The following ZNF362 variants were observed in gnomAD, a reference collection of about 807,000 sequenced individuals.
The protein encoded by ZNF362 is zinc finger protein 362, also known as rotund homolog.
Under a neutral mutation model 42.9 loss-of-function variants are expected in ZNF362, and 11 were observed. The observed-to-expected ratio is 0.26, with a 90% confidence interval of 0.16 to 0.42. The LOEUF is 0.42. Ranked by LOEUF, ZNF362 falls within the 20% of genes least tolerant of loss-of-function variation. ZNF362 has a pLI of 1.00. For synonymous variants in ZNF362, 255 were observed against 257.3 expected (o/e 0.99, Z 0.09); for missense variants, 362 against 576.2 (o/e 0.63, Z 3.81).
At chr1:33,232,368 G>T in the ZNF362 span, among the ~76,000 whole-genome samples, 1 of 152,074 alleles carries the variant, frequency 6.6e-6, no homozygotes, top group Non-Finnish European at 1.5e-5. Flanking sequence ...GGGTTCAAGC[G>T]ATTCTCCTGC....
chr1:33,241,172 C>T, the ZNF362 span, among the ~76,000 whole-genome samples: 1 of 151,192 alleles, frequency 6.6e-6, no homozygotes, highest in Admixed American at 6.7e-5. Flanking sequence ...CAGTCCTGAT[C>T]ACTGGAGAGT....
At chr1:33,272,568 G>A (rs1442219078) in intron 2 of ZNF362, among the ~76,000 whole-genome samples, 1 of 152,142 alleles carries the variant, frequency 6.6e-6, no homozygotes, top group Non-Finnish European at 1.5e-5. Context: ...GGGGCTCACA[G>A]TAGAGAGTCT....
At chr1:33,181,094 G>T in the ZNF362 span, 1 of 1,599,770 alleles carries the variant, frequency 6.3e-7, no homozygotes. The surrounding 1 kb of genome is among the most constrained non-coding windows in gnomAD (Gnocchi z 6.5). Context: ...GCTCGTCGCA[G>T]AAGAAGCAGA....
At chr1:33,203,286 TGTG>T in the ZNF362 span, among the ~76,000 whole-genome samples, 1 of 152,326 alleles carries the variant, frequency 6.6e-6, no homozygotes, top group East Asian at 1.9e-4. Context: ...TCATCCATGT[TGTG>T]GTAAATGGCA....
chr1:33,257,937 C>T (rs1645804921), intron 1 of ZNF362, among the ~76,000 whole-genome samples: 1 of 152,134 alleles, frequency 6.6e-6, no homozygotes, highest in Admixed American at 6.5e-5. Context: ...AGAGCCCCCT[C>T]CCCAACCTGG....
chr1:33,159,776 C>A, the ZNF362 span: 1 of 1,613,784 alleles, frequency 6.2e-7, no homozygotes, highest in Non-Finnish European at 8.5e-7. This position sits in a 1 kb window ranked among gnomAD's most constrained non-coding sequence, Gnocchi z 4.2. Context: ...CCCTCCTGGA[C>A]CTTGCGCAGC....
At chr1:33,277,462 C>T (rs1645959635) in intron 4 of ZNF362, among the ~76,000 whole-genome samples, 1 of 152,132 alleles carries the variant, frequency 6.6e-6, no homozygotes, top group Admixed American at 6.5e-5. Flanking sequence ...TGGACTTGAC[C>T]CTTGGGCAGT....
chr1:33,146,313 T>A, the ZNF362 span: 3 of 176,456 alleles, frequency 1.7e-5, no homozygotes, highest in East Asian at 4.9e-4. Flanking sequence ...TCCCAGTGCT[T>A]GGGTCCTAAT....
At chr1:33,271,834 A>G (rs1303595615) in intron 2 of ZNF362, among the ~76,000 whole-genome samples, 1 of 152,116 alleles carries the variant, frequency 6.6e-6, no homozygotes, top group Non-Finnish European at 1.5e-5. Context: ...GCAGATGGGG[A>G]TGTCCCGCTG....
At chr1:33,292,682 G>C (rs939262679) in intron 6 of ZNF362, among the ~76,000 whole-genome samples, 1 of 152,210 alleles carries the variant, frequency 6.6e-6, no homozygotes, top group Non-Finnish European at 1.5e-5. Context: ...GAACTCGGCT[G>C]TGAATCCGTC....
At chr1:33,158,175 G>A in the ZNF362 span, 1 of 1,342,500 alleles carries the variant, frequency 7.4e-7, no homozygotes, top group Non-Finnish European at 1.1e-6. Context: ...ACTGCCCCAT[G>A]CTGTGTTTAG....
chr1:33,295,374 C>T, intron 8 of ZNF362, 69 bp downstream of exon 8: 1 of 1,554,966 alleles, frequency 6.4e-7, no homozygotes, highest in Non-Finnish European at 8.7e-7. Context: ...AGTTGCTTCC[C>T]CATTGTCAGA....
chr1:33,257,223 G>T (rs1645798976), intron 1 of ZNF362, among the ~76,000 whole-genome samples: 4 of 152,050 alleles, frequency 2.6e-5, no homozygotes, highest in Admixed American at 2.6e-4. Flanking sequence ...GCGGCTGGAA[G>T]CAGAGGGGGC....
chr1:33,230,856 A>T, the ZNF362 span, among the ~76,000 whole-genome samples: 1 of 152,200 alleles, frequency 6.6e-6, no homozygotes, highest in East Asian at 1.9e-4. Flanking sequence ...GAAAATATAG[A>T]TGTAATCGAA....
At chr1:33,292,089 A>C (rs1179298210) in intron 6 of ZNF362, among the ~76,000 whole-genome samples, 1 of 152,230 alleles carries the variant, frequency 6.6e-6, no homozygotes, top group Non-Finnish European at 1.5e-5. Flanking sequence ...CCCTGGCCAG[A>C]ACTTCCAACA....
chr1:33,258,710 G>A (rs145583930), intron 1 of ZNF362, among the ~76,000 whole-genome samples: 1 of 152,120 alleles, frequency 6.6e-6, no homozygotes, highest in African/African-American at 2.4e-5. Flanking sequence ...GGGACAGCAC[G>A]ATCCCTTCAC....
intron 6 of ZNF362, among the ~76,000 whole-genome samples, chr1:33,289,372 C>T (rs1314078548): frequency 3.9e-5 from 6 of 152,066 alleles, no homozygotes; most frequent in Non-Finnish European, 8.8e-5. Flanking sequence ...AAGAGGGAGA[C>T]CATGGAGGTT....
the ZNF362 span, among the ~76,000 whole-genome samples, chr1:33,221,807 C>T: frequency 6.6e-6 from 1 of 152,132 alleles, no homozygotes; most frequent in Non-Finnish European, 1.5e-5. Flanking sequence ...GATGGATAAT[C>T]TCACCCAGCA....
chr1:33,262,431 C>T (rs1268986552), intron 1 of ZNF362, among the ~76,000 whole-genome samples: 15 of 148,720 alleles, frequency 1.0e-4, no homozygotes, highest in South Asian at 2.2e-4. Flanking sequence ...CTCAGCCTCC[C>T]GAGTAGCTGG....
Sources: allele counts gnomAD v4.1 joint callset (sites outside exome capture counted in the v4.1 genomes callset), GRCh38; gene constraint gnomAD v4.1.1; non-coding constraint Gnocchi (gnomAD v3.1); transcripts MANE v1.5; gene names NCBI Gene and HGNC (gene_info 2026-07-23, HGNC 2026-07-21).